The following DPP10 variants were observed in gnomAD, a reference collection of about 807,000 sequenced individuals.
The protein encoded by DPP10 is inactive dipeptidyl peptidase 10.
DPP10 carries 33 observed loss-of-function variants against 120.9 expected under a neutral mutation model. The ratio of observed to expected loss-of-function variants is 0.27; its 90% CI spans 0.21 to 0.37. The LOEUF is 0.37. DPP10 is among the 10% of genes least tolerant of loss of function. The pLI, the probability that DPP10 is intolerant of heterozygous loss-of-function variation, is 1.00. For synonymous variants in DPP10, 337 were observed against 326.1 expected (o/e 1.03, Z -0.36); for missense variants, 816 against 942.8 (o/e 0.87, Z 1.76).
chr2:114,924,218 G>A (rs1416435222), intron 1 of DPP10, among the ~76,000 whole-genome samples: 3 of 152,068 alleles, frequency 2.0e-5, no homozygotes, highest in Admixed American at 2.0e-4. Flanking sequence ...CTACTATTCG[G>A]TTGAGATCTG....
chr2:115,516,115 TAG>T, intron 4 of DPP10, among the ~76,000 whole-genome samples: 7 of 152,110 alleles, frequency 4.6e-5, no homozygotes, highest in Non-Finnish European at 1.0e-4. Flanking sequence ...ACAACTCAAC[TAG>T]TGAATGTCTG....
At chr2:114,972,575 T>C (rs898762022) in intron 1 of DPP10, among the ~76,000 whole-genome samples, 2 of 152,132 alleles carry the variant, frequency 1.3e-5, no homozygotes, top group East Asian at 1.9e-4. Flanking sequence ...TTCCATGCCA[T>C]TGAGGACTGC....
At chr2:115,217,704 G>T (rs753917154) in intron 1 of DPP10, among the ~76,000 whole-genome samples, 2 of 152,054 alleles carry the variant, frequency 1.3e-5, no homozygotes, top group Non-Finnish European at 2.9e-5. Flanking sequence ...AAGCTTTTTG[G>T]AAAATCACAC....
At chr2:115,759,559 T>C (rs1391158981) in intron 11 of DPP10, among the ~76,000 whole-genome samples, 2 of 152,138 alleles carry the variant, frequency 1.3e-5, no homozygotes, top group Non-Finnish European at 1.5e-5. Context: ...ATTCTCGTTC[T>C]TTGCAAGTGG....
intron 1 of DPP10, among the ~76,000 whole-genome samples, chr2:114,846,379 A>G (rs1252301123): frequency 6.6e-6 from 1 of 152,182 alleles, no homozygotes; most frequent in Non-Finnish European, 1.5e-5. Context: ...CTGTTTGATT[A>G]TAAAGTGTCA....
intron 1 of DPP10, among the ~76,000 whole-genome samples, chr2:114,465,846 A>G (rs1679319650): frequency 1.3e-5 from 2 of 152,210 alleles, no homozygotes; most frequent in Non-Finnish European, 2.9e-5. Flanking sequence ...TTGAGTTGGG[A>G]ACATTCAAAA....
At chr2:114,718,843 G>A (rs1477906758) in intron 1 of DPP10, among the ~76,000 whole-genome samples, 1 of 152,224 alleles carries the variant, frequency 6.6e-6, no homozygotes, top group Non-Finnish European at 1.5e-5. Context: ...GGAAACTGAG[G>A]TGCAGAGAGG....
At chr2:115,596,036 G>C (rs1269540977) in intron 5 of DPP10, among the ~76,000 whole-genome samples, 1 of 152,102 alleles carries the variant, frequency 6.6e-6, no homozygotes, top group Non-Finnish European at 1.5e-5. Context: ...ACAAAGGACA[G>C]AGCTGCAGAT....
At chr2:115,622,176 C>G (rs1045895629) in intron 5 of DPP10, among the ~76,000 whole-genome samples, 1 of 152,158 alleles carries the variant, frequency 6.6e-6, no homozygotes, top group East Asian at 1.9e-4. Context: ...ATTCCCTCTG[C>G]TGTCCACCCC....
chr2:115,529,008 T>A (rs1479984015), intron 5 of DPP10, among the ~76,000 whole-genome samples: 2 of 152,136 alleles, frequency 1.3e-5, no homozygotes. Flanking sequence ...TCTTATAGTT[T>A]TATAAGATAG....
chr2:115,265,866 C>T (rs2059439838), intron 1 of DPP10, among the ~76,000 whole-genome samples: 1 of 151,746 alleles, frequency 6.6e-6, no homozygotes, highest in Admixed American at 6.6e-5. Context: ...ATTGCTTGAA[C>T]CCGGGAGGTT....
At chr2:115,825,021 T>G (rs1319216537) in intron 21 of DPP10, among the ~76,000 whole-genome samples, 1 of 152,216 alleles carries the variant, frequency 6.6e-6, no homozygotes, top group African/African-American at 2.4e-5. Flanking sequence ...TTTTGTCTTT[T>G]TACATCCAAT....
intron 4 of DPP10, among the ~76,000 whole-genome samples, chr2:115,517,451 T>C (rs2077562955): frequency 1.3e-5 from 2 of 152,178 alleles, no homozygotes; most frequent in African/African-American, 4.8e-5. Context: ...CTTGAACTTT[T>C]GAAAGAGGCA....
At chr2:115,172,472 G>A (rs1261621548) in intron 1 of DPP10, among the ~76,000 whole-genome samples, 2 of 151,888 alleles carry the variant, frequency 1.3e-5, no homozygotes, top group African/African-American at 4.8e-5. Context: ...ACAGACCAGA[G>A]AAATGATTAT....
intron 5 of DPP10, among the ~76,000 whole-genome samples, chr2:115,544,219 AATC>A (rs1367668704): frequency 6.6e-6 from 1 of 152,058 alleles, no homozygotes; most frequent in Non-Finnish European, 1.5e-5. Context: ...AATATTCAAT[AATC>A]CTTGAGAAAG....
intron 1 of DPP10, among the ~76,000 whole-genome samples, chr2:114,612,607 A>T (rs537353061): frequency 6.6e-6 from 1 of 152,156 alleles, no homozygotes; most frequent in Non-Finnish European, 1.5e-5. Context: ...ATTCTATGGT[A>T]TCTATTGACA....
At chr2:114,938,174 G>T (rs1405070692) in intron 1 of DPP10, among the ~76,000 whole-genome samples, 4 of 152,060 alleles carry the variant, frequency 2.6e-5, no homozygotes. Flanking sequence ...CTGTCGGTTT[G>T]TAACAAAATT....
At chr2:114,463,131 G>A (rs542966994) in intron 1 of DPP10, among the ~76,000 whole-genome samples, 2 of 152,058 alleles carry the variant, frequency 1.3e-5, no homozygotes, top group Admixed American at 6.6e-5. Context: ...TCGCTTCTAG[G>A]CCCTCTCAGT....
intron 1 of DPP10, among the ~76,000 whole-genome samples, chr2:114,871,854 T>G (rs1690713908): frequency 6.6e-6 from 1 of 152,176 alleles, no homozygotes; most frequent in Non-Finnish European, 1.5e-5. Context: ...CTTGCATTAC[T>G]GCCTGAGCTC....
Sources: allele counts gnomAD v4.1 joint callset (sites outside exome capture counted in the v4.1 genomes callset), GRCh38; gene constraint gnomAD v4.1.1; transcripts MANE v1.5; gene names NCBI Gene and HGNC (gene_info 2026-07-23, HGNC 2026-07-21).